Variants in MBP observed in about 807,000 individuals in gnomAD.
MBP encodes the protein Golli-MBP.
In MBP, 16 loss-of-function variants were observed where a neutral mutation model predicts 35.8. That is an observed-to-expected ratio of 0.45 (90% CI 0.30 to 0.68). The LOEUF (loss-of-function observed/expected upper bound fraction) is 0.68, where lower values mean the gene tolerates loss of function less well. Ranked by LOEUF, MBP falls within the 30% of genes least tolerant of loss-of-function variation. MBP has a pLI of 0.08. For missense variants in MBP, 380 were observed against 404.7 expected (o/e 0.94, Z 0.52); for synonymous variants, 143 against 159.6 (o/e 0.90, Z 0.78).
chr18:77,117,183 A>G (rs561450080), intron 1 of MBP, among the ~76,000 whole-genome samples: 1 of 152,222 alleles, frequency 6.6e-6, no homozygotes, highest in Non-Finnish European at 1.5e-5. Context: ...GAGTAACAAT[A>G]AATTATGAAG....
chr18:77,027,606 A>G (rs1163204664), intron 3 of MBP, among the ~76,000 whole-genome samples: 1 of 152,228 alleles, frequency 6.6e-6, no homozygotes, highest in African/African-American at 2.4e-5. Flanking sequence ...AGACAACTAA[A>G]AACTTCCCCA....
chr18:77,041,112 G>A (rs1294941095), intron 3 of MBP, among the ~76,000 whole-genome samples: 8 of 152,152 alleles, frequency 5.3e-5, no homozygotes, highest in Non-Finnish European at 1.2e-4. Flanking sequence ...CAAAAAATGG[G>A]CAAAGGATAT....
chr18:77,014,531 TA>T, intron 4 of MBP: 5 of 985,392 alleles, frequency 5.1e-6, no homozygotes, highest in Non-Finnish European at 6.0e-6. Context: ...TCCTAGCATA[TA>T]AAAACAGGGG....
At chr18:77,076,005 A>G (rs1201719744) in intron 2 of MBP, among the ~76,000 whole-genome samples, 1 of 152,218 alleles carries the variant, frequency 6.6e-6, no homozygotes, top group Non-Finnish European at 1.5e-5. Context: ...TTTATCATGA[A>G]CCTTCGCAAT....
chr18:77,126,835 T>A (rs896878593), intron 1 of MBP, among the ~76,000 whole-genome samples: 4 of 152,228 alleles, frequency 2.6e-5, no homozygotes, highest in African/African-American at 9.6e-5. Flanking sequence ...AAATTTCAGA[T>A]TCAGAATCTG....
chr18:77,013,587 A>G, intron 4 of MBP: 1 of 985,434 alleles, frequency 1.0e-6, no homozygotes. Flanking sequence ...GTTCTTCTCC[A>G]TACAGTCGCA....
Position 76,980,009 on chromosome 18 carries a change from C to A in MBP, c.*418G>T, listed in dbSNP as rs1310155270. On this transcript the variant is annotated 3_prime_UTR_variant, in exon 9 of 9. Transcript: ENST00000355994. ...GATGTCAACAGTCCTCTCTGCCGCC[C>A]ACGTCCTCTCTGTCTCTGCAGCTGT... The A allele has an allele frequency of 1.4e-6, 1 of 702,474 alleles. No homozygotes were observed. The highest frequency in any genetic ancestry group is 2.6e-6 in the Non-Finnish European group (1 of 385,004). The allele number at this position is 702,474 out of a possible 1,614,324, so 43.5% of individuals were successfully genotyped here.
intron 1 of MBP, chr18:77,112,614 G>C (rs986888063): frequency 2.0e-5 from 3 of 152,276 alleles, no homozygotes; most frequent in African/African-American, 7.2e-5. Context: ...CCACAAGCTC[G>C]AGGCTGCTGC....
chr18:77,006,674 C>CG (rs1177711074), intron 4 of MBP: 1 of 152,314 alleles, frequency 6.6e-6, no homozygotes, highest in Non-Finnish European at 1.5e-5. Flanking sequence ...ACTGTGCTCC[C>CG]GCTGCCTGCC....
In MBP at chr18:76,980,183, A is replaced by T; in HGVS notation, c.*244T>A. The T allele has an allele frequency of 1.6e-6, 1 of 634,556 alleles. No individual in the cohort carries two copies. The highest frequency in any genetic ancestry group is 2.8e-6 in the Non-Finnish European group (1 of 354,642). 39.3% of individuals were successfully genotyped at this position (634,556 alleles called of 1,614,324 possible). ...TGCGTCTGGGGGCACATTGCGGGGG[A>T]AGGAACGTGATCTTCACACAGAAAG... On this transcript the variant is annotated 3_prime_UTR_variant, in exon 9 of 9. Transcript: ENST00000355994.
intron 1 of MBP, among the ~76,000 whole-genome samples, chr18:77,120,405 C>T (rs184267873): frequency 6.6e-6 from 1 of 152,340 alleles, no homozygotes; most frequent in African/African-American, 2.4e-5. Context: ...GCATTCAGAC[C>T]TGCACTGACC....
Position 77,066,485 on chromosome 18 carries a change from T to A in MBP, c.52-100A>T, listed in dbSNP as rs1005041770. The A allele has an allele frequency of 3.3e-5, 28 of 845,478 alleles. No individual in the cohort carries two copies. The African/African-American group carries it at 4.0e-4, about 12-fold the overall frequency. The allele number at this position is 845,478 out of a possible 1,614,324, so 52.4% of individuals were successfully genotyped here. A position where few individuals can be genotyped will look rare whatever the true frequency, so the allele number is the denominator to read the frequency against. ...GTCTCTTTATAAATTTTTTATCAGA[T>A]AATCAGTTTCACATCTGTTTTCAAG... is the stretch of plus-strand genomic sequence containing the variant. On this transcript the variant is annotated intron_variant, in intron 2 of 8. Coordinates refer to ENST00000355994, the MANE Select transcript of MBP (RefSeq NM_001025101.2).
At chr18:77,019,417 G>C (rs775795555) in intron 3 of MBP, among the ~76,000 whole-genome samples, 2 of 152,184 alleles carry the variant, frequency 1.3e-5, no homozygotes, top group Non-Finnish European at 1.5e-5. Flanking sequence ...CAGGGGAGAG[G>C]TGTGAAGATG....
intron 2 of MBP, among the ~76,000 whole-genome samples, chr18:77,092,658 C>T (rs1975583319): frequency 6.6e-6 from 1 of 152,142 alleles, no homozygotes; most frequent in Non-Finnish European, 1.5e-5. Flanking sequence ...CTCACCAAGC[C>T]ACAAGTTACA....
At chr18:77,026,500 T>C (rs1972231043) in intron 3 of MBP, among the ~76,000 whole-genome samples, 1 of 152,220 alleles carries the variant, frequency 6.6e-6, no homozygotes, top group African/African-American at 2.4e-5. Context: ...GATGAGATGA[T>C]ACTATCCTTC....
At chr18:77,008,141 C>G (rs3794834) in intron 4 of MBP, among the ~76,000 whole-genome samples, 31,660 of 152,060 alleles carry the variant, frequency 0.21, 3,866 homozygotes, top group African/African-American at 0.34. Context: ...CAGCGCGTCA[C>G]ACACTGGGTG....
Position 77,131,038 on chromosome 18 carries a change from A to C in MBP, c.-26+1542T>G, listed in dbSNP as rs575486426. ...CTGTTTTTCCCACAAAAAAAAAAAA[A>C]AAACAAAACCTCAAAAAACAAAACA... is the stretch of plus-strand genomic sequence containing the variant. On this transcript the variant is annotated intron_variant, in intron 1 of 8. Transcript: ENST00000355994. This position sits in a 1 kb window ranked among gnomAD's most constrained non-coding sequence, Gnocchi z 5.5. Among the ~76,000 whole-genome samples, 10 of 151,328 alleles carry C rather than the reference A, an allele frequency of 6.6e-5. 1 individual carries two copies. Among genetic ancestry groups the C allele is most frequent in the South Asian group, 6.3e-4 (3 of 4,776 alleles).
intron 1 of MBP, 54 bp from the exon 2 acceptor site, chr18:77,105,340 G>C (rs1022933560): frequency 4.3e-6 from 5 of 1,170,524 alleles, no homozygotes; most frequent in East Asian, 2.4e-5. Context: ...TAGAGTTTTC[G>C]ATGTTGTTTT....
chr18:77,023,682 A>G (rs1032878459), intron 3 of MBP, among the ~76,000 whole-genome samples: 1 of 152,076 alleles, frequency 6.6e-6, no homozygotes, highest in Admixed American at 6.5e-5. Flanking sequence ...CGCCATGTGC[A>G]ATGCTGCAGG....
Sources: allele counts gnomAD v4.1 joint callset (sites outside exome capture counted in the v4.1 genomes callset), GRCh38; gene constraint gnomAD v4.1.1; non-coding constraint Gnocchi (gnomAD v3.1); transcripts MANE v1.5; gene names NCBI Gene and HGNC (gene_info 2026-07-23, HGNC 2026-07-21).